PALB2: variants seen among roughly 807,000 people sequenced by gnomAD.
PALB2 encodes partner and localizer of BRCA2.
PALB2 carries 82 observed loss-of-function variants against 107.4 expected under a neutral mutation model. The ratio of observed to expected loss-of-function variants is 0.76; its 90% CI spans 0.64 to 0.92. The LOEUF is 0.92. PALB2 is among the 40% of genes least tolerant of loss of function. The probability of loss-of-function intolerance (pLI) is 0.00; values close to 1 mark genes in which losing one functional copy is unlikely to be tolerated. For synonymous variants in PALB2, 489 were observed against 496.8 expected, an observed-to-expected ratio of 0.98 and a Z score of 0.21; for missense variants, 1,374 against 1,379.9, an observed-to-expected ratio of 1.00 and a Z score of 0.07.
chr16:23,608,801 T>TATACACACACACACAC (rs560756242), intron 11 of PALB2, among the ~76,000 whole-genome samples: 9 of 143,810 alleles, frequency 6.3e-5, no homozygotes, highest in African/African-American at 2.4e-4. Flanking sequence ...TGTATATATA[T>TATACACACACACACAC]ACACACACAC....
rs2142432039 is a variant in PALB2, at chr16:23,635,660, T to A, written c.886A>T (p.Met296Leu). Reference sequence around the variant, plus strand: ...AGGAGGTTATCTGTAGAGACAGTCATTTTTTTGCCTTGTGCCTCCAAACTT... The same window carrying A: ...AGGAGGTTATCTGTAGAGACAGTCAATTTTTTGCCTTGTGCCTCCAAACTT... ...PVSLEAQGKK[M>L]TVSTDNLLVN... Residue 296 changes from methionine (M) to leucine (L), a missense_variant, in exon 4 of 13, where the codon ATG becomes TTG. Transcript: ENST00000261584. 6.2e-7 allele frequency: 1 copy of A among 1,613,906 alleles called. No homozygotes were observed. The highest frequency in any genetic ancestry group is 8.5e-7 in the Non-Finnish European group (1 of 1,179,820).
chr16:23,629,701 A>G lies in PALB2; in HGVS notation c.2453T>C (p.Phe818Ser), dbSNP rs370908330. 8.7e-6 allele frequency: 14 copies of G among 1,614,134 alleles called. No homozygotes were observed. Among genetic ancestry groups the G allele is most frequent in the Admixed American group, 6.7e-5 (4 of 60,000 alleles). Residue 818 changes from phenylalanine to serine, a missense_variant, in exon 5 of 13, where the codon TTT becomes TCT. Phe to Ser is a radical substitution (Grantham distance 155). Coordinates refer to ENST00000261584, the MANE Select transcript of PALB2 (RefSeq NM_024675.4). ...GTPPPIESFT[F>S]KENQLCRNTC... ...GTTTCTACAGAGCTGATTTTCTTTA[A>G]AAGTGAATGACTCAATGGGTGGAGG... is the stretch of plus-strand genomic sequence containing the variant.
chr16:23,624,690 T>C (rs1280937665), intron 7 of PALB2, among the ~76,000 whole-genome samples: 5 of 152,328 alleles, frequency 3.3e-5, no homozygotes, highest in African/African-American at 9.6e-5. Flanking sequence ...ATTTTATTTT[T>C]AGGAGAGACG....
chr16:23,611,220 C>T (rs1461302897), intron 11 of PALB2, among the ~76,000 whole-genome samples: 1 of 152,082 alleles, frequency 6.6e-6, no homozygotes, highest in African/African-American at 2.4e-5. Flanking sequence ...TCTTGGCTCA[C>T]TGCAACCTCC....
At chr16:23,624,509 G>A (rs548964776) in intron 7 of PALB2, among the ~76,000 whole-genome samples, 1 of 152,112 alleles carries the variant, frequency 6.6e-6, no homozygotes, top group Non-Finnish European at 1.5e-5. Flanking sequence ...GACTCTACAG[G>A]AACAAGGAAA....
chr16:23,625,379 G>T (rs1442199782), intron 7 of PALB2, among the ~76,000 whole-genome samples: 2 of 151,790 alleles, frequency 1.3e-5, no homozygotes, highest in African/African-American at 2.4e-5. Flanking sequence ...ATAAACCTGT[G>T]ATGGGCTGGG....
intron 10 of PALB2, among the ~76,000 whole-genome samples, chr16:23,614,645 CTTTTTTTT>C (rs1050495053): frequency 1.9e-5 from 2 of 107,150 alleles, no homozygotes; most frequent in Non-Finnish European, 3.6e-5. Context: ...CACTTCCCAG[CTTTTTTTT>C]TTTTTTTTTT....
In PALB2 at chr16:23,630,025, G is replaced by A. The variant is rs759024828; in HGVS notation, c.2129C>T (p.Thr710Met). 8.1e-6 allele frequency: 13 copies of A among 1,614,142 alleles called. No homozygotes were observed. The highest frequency in any genetic ancestry group is 1.6e-4 in the Middle Eastern group (1 of 6,062). Reference protein sequence around the residue: ...SSILLYTPLNTVAPDDNDRPT... With the variant: ...SSILLYTPLNMVAPDDNDRPT... ...CCTGTCATTATCATCAGGCGCAACC[G>A]TATTTAAAGGAGTATAAAGTAATAT... The change falls in exon 5 of 13, where the codon ACG becomes ATG. Residue 710 changes from threonine to methionine, a missense_variant. Transcript: ENST00000261584.
At chr16:23,609,047 C>T (rs1424018589) in intron 11 of PALB2, among the ~76,000 whole-genome samples, 1 of 151,910 alleles carries the variant, frequency 6.6e-6, no homozygotes, top group Non-Finnish European at 1.5e-5. Context: ...AGGATGGTCT[C>T]GATCTCCTGA....
intron 10 of PALB2, among the ~76,000 whole-genome samples, chr16:23,619,405 T>C (rs1469726804): frequency 6.6e-6 from 1 of 152,136 alleles, no homozygotes; most frequent in Non-Finnish European, 1.5e-5. Flanking sequence ...TAGAGTGCAG[T>C]GGCGCGATCT....
Position 23,641,105 on chromosome 16 carries a change from G to C in PALB2, c.48+5C>G, listed in dbSNP as rs1555462488. ...CTGCGTCCGCCCTTCCCGCACCCCC[G>C]GCACCTTTTCCTTCTCCTCACAGCT... is the stretch of plus-strand genomic sequence containing the variant. On this transcript the variant is annotated splice_donor_5th_base_variant and intron_variant, in intron 1 of 12. Coordinates refer to ENST00000261584, the MANE Select transcript of PALB2 (RefSeq NM_024675.4). 6.2e-7 allele frequency: 1 copy of C among 1,613,248 alleles called. No individual in the cohort carries two copies. The highest frequency in any genetic ancestry group is 8.5e-7 in the Non-Finnish European group (1 of 1,179,750).
In PALB2 at chr16:23,603,399, T is replaced by G; in HGVS notation, c.*60A>C. On this transcript the variant is annotated 3_prime_UTR_variant, in exon 13 of 13. Transcript: ENST00000261584. ...AGATATTCTCCTTTATATTTAAAAC[T>G]CCAAAAAATACTAAGAGGCCCAATA... 7.1e-7 allele frequency: 1 copy of G among 1,398,922 alleles called. No homozygotes were observed. The highest frequency in any genetic ancestry group is 1.0e-6 in the Non-Finnish European group (1 of 986,108). 86.7% of individuals were successfully genotyped at this position (1,398,922 alleles called of 1,614,324 possible).
rs1555460681 is a variant in PALB2 at position 23,630,428 on chromosome 16, T to A, written c.1726A>T (p.Ser576Cys). ...RHQKEDSLSW[S>C]NSAYLSLDDD... Reference sequence around the variant, plus strand: ...TCCAAGGATAAATAAGCACTATTACTCCAAGAAAGGGAATCCTCTTTTTGA... The same window carrying A: ...TCCAAGGATAAATAAGCACTATTACACCAAGAAAGGGAATCCTCTTTTTGA... The change falls in exon 5 of 13, where the codon AGT becomes TGT. Residue 576 changes from serine (S) to cysteine (C), a missense_variant. Transcript: ENST00000261584. 1.9e-6 allele frequency: 3 copies of A among 1,613,834 alleles called. No homozygotes were observed. The highest frequency in any genetic ancestry group is 3.3e-5 in the Admixed American group (2 of 60,004).
chr16:23,621,300 A>T (rs1382939316), intron 10 of PALB2, 62 bp downstream of exon 10: 1 of 1,079,838 alleles, frequency 9.3e-7, no homozygotes, highest in Non-Finnish European at 1.4e-6. Context: ...CAACCCTGTA[A>T]AATTAGAGGT....
chr16:23,639,075 T>G (rs1158406661), intron 1 of PALB2, among the ~76,000 whole-genome samples: 4 of 152,196 alleles, frequency 2.6e-5, no homozygotes, highest in Admixed American at 2.6e-4. Context: ...TCTGAAAGCC[T>G]AGATTCCCTC....
intron 7 of PALB2, among the ~76,000 whole-genome samples, chr16:23,624,841 G>A (rs989416764): frequency 6.6e-6 from 1 of 152,136 alleles, no homozygotes; most frequent in East Asian, 1.9e-4. Context: ...GGTGAGAAAA[G>A]ACAGATCTAA....
intron 10 of PALB2, among the ~76,000 whole-genome samples, chr16:23,617,006 G>GTT (rs978873858): frequency 6.6e-6 from 1 of 151,972 alleles, no homozygotes; most frequent in Non-Finnish European, 1.5e-5. Flanking sequence ...TAGAGACGGG[G>GTT]TTTTACCGTG....
chr16:23,636,152 C>A lies in PALB2; in HGVS notation c.394G>T (p.Val132Phe), dbSNP rs1555461807. Residue 132 changes from valine (V) to phenylalanine (F), a missense_variant, in exon 4 of 13, where the codon GTC (valine) becomes TTC (phenylalanine). Coordinates refer to ENST00000261584, the MANE Select transcript of PALB2 (RefSeq NM_024675.4). ...DDTQEHFPHR[V>F]SDPSGEQKQK... is the part of the protein sequence containing the mutation. ...TTTTGCTCACCACTAGGGTCACTGA[C>A]CCTGTGGGGAAAATGTTCTTGGGTG... 2 of 1,612,538 alleles carry A rather than the reference C, an allele frequency of 1.2e-6. No individual in the cohort carries two copies. Among genetic ancestry groups the A allele is most frequent in the Non-Finnish European group, 1.7e-6 (2 of 1,179,454 alleles).
rs950901932 is a variant in PALB2, at chr16:23,610,814, G to T, written c.3202-2802C>A. 2.6e-5 allele frequency among the ~76,000 whole-genome samples: 4 copies of T among 151,770 alleles called. No homozygotes were observed. In the East Asian group the frequency reaches 6.0e-4, roughly 23 times the overall value. On this transcript the variant is annotated intron_variant, in intron 11 of 12. Transcript: ENST00000261584. ...GCATTTTGGGAGCGTGAGGCGGGTG[G>T]ATCACAAAGTCAGGAGCTCAAGACC...
Sources: allele counts gnomAD v4.1 joint callset (sites outside exome capture counted in the v4.1 genomes callset), GRCh38; gene constraint gnomAD v4.1.1; transcripts MANE v1.5; gene names NCBI Gene and HGNC (gene_info 2026-07-23, HGNC 2026-07-21).